NRG2: variants seen among roughly 807,000 people sequenced by gnomAD.
NRG2 encodes pro-neuregulin-2, membrane-bound isoform.
A neutral mutation model predicts 73.9 loss-of-function variants in NRG2; 27 were observed. The ratio of observed to expected loss-of-function variants is 0.37; its 90% confidence interval spans 0.27 to 0.50. The LOEUF (loss-of-function observed/expected upper bound fraction) is 0.50, where lower values mean the gene tolerates loss of function less well. Ranked by LOEUF, NRG2 falls within the 20% of genes least tolerant of loss-of-function variation. NRG2 has a pLI of 0.96. For synonymous variants in NRG2, 532 were observed against 541.0 expected, an observed-to-expected ratio of 0.98 and a Z score of 0.23; for missense variants, 1,126 against 1,210.1, an observed-to-expected ratio of 0.93 and a Z score of 1.03.
At chr5:140,013,828 T>C (rs1471314801) in intron 1 of NRG2, among the ~76,000 whole-genome samples, 2 of 152,176 alleles carry the variant, frequency 1.3e-5, no homozygotes, top group African/African-American at 4.8e-5. Context: ...AGTCAACCTC[T>C]CCCTTCTAAT....
Position 140,011,134 on chromosome 5 carries a change from C to T in NRG2, c.700+31236G>A, listed in dbSNP as rs74780882. Among the ~76,000 whole-genome samples, 577 of 152,324 alleles carry T rather than the reference C, an allele frequency of 3.8e-3. 4 individuals are homozygous for T. Among genetic ancestry groups the T allele is most frequent in the African/African-American group, 0.013 (556 of 41,568 alleles). ...GTAAAGACTAAACTTCTCAGCATAG[C>T]CTACAAGACTTTTAACAATCTGGCC... is the stretch of plus-strand genomic sequence containing the variant. On this transcript the variant is annotated intron_variant, in intron 1 of 9. Coordinates refer to ENST00000361474, the MANE Select transcript of NRG2 (RefSeq NM_004883.3).
chr5:139,857,041 G>C (rs1761853369), intron 5 of NRG2, among the ~76,000 whole-genome samples: 1 of 152,112 alleles, frequency 6.6e-6, no homozygotes, highest in African/African-American at 2.4e-5. Flanking sequence ...GACTACCCTG[G>C]TTACAGGCAC....
At chr5:139,882,749 C>T (rs1339812070) in intron 2 of NRG2, among the ~76,000 whole-genome samples, 1 of 152,068 alleles carries the variant, frequency 6.6e-6, no homozygotes, top group African/African-American at 2.4e-5. Context: ...GCCAGATTCT[C>T]CTTGTCACCC....
chr5:139,943,445 G>A (rs116644232), intron 1 of NRG2, among the ~76,000 whole-genome samples: 2,790 of 152,200 alleles, frequency 0.018, 80 homozygotes, highest in African/African-American at 0.063. Flanking sequence ...ACCATGCCCG[G>A]CCCCACTTTT....
At chr5:139,916,082 A>C (rs1313801021) in intron 1 of NRG2, among the ~76,000 whole-genome samples, 1 of 152,200 alleles carries the variant, frequency 6.6e-6, no homozygotes, top group African/African-American at 2.4e-5. Flanking sequence ...GCAGGGCAGA[A>C]TGGAGCAGAG....
intron 1 of NRG2, among the ~76,000 whole-genome samples, chr5:139,981,509 C>G (rs1423000714): frequency 6.6e-6 from 1 of 152,232 alleles, no homozygotes; most frequent in Non-Finnish European, 1.5e-5. Flanking sequence ...TTTCCCTTCT[C>G]TTAACACAGG....
intron 1 of NRG2, chr5:140,019,711 G>A (rs562739003): frequency 6.6e-6 from 1 of 152,272 alleles, no homozygotes; most frequent in African/African-American, 2.4e-5. Context: ...ATTGGAAAGG[G>A]AGGGCCCACC....
At chr5:139,945,972 C>T (rs1325054176) in intron 1 of NRG2, among the ~76,000 whole-genome samples, 1 of 151,948 alleles carries the variant, frequency 6.6e-6, no homozygotes, top group African/African-American at 2.4e-5. Context: ...AAGAAGCTCT[C>T]AATAAATATA....
intron 1 of NRG2, among the ~76,000 whole-genome samples, chr5:139,960,011 T>C (rs1489236861): frequency 1.3e-5 from 2 of 152,136 alleles, no homozygotes; most frequent in African/African-American, 2.4e-5. Context: ...AGAAACTTTG[T>C]CAAATAGGAA....
intron 1 of NRG2, among the ~76,000 whole-genome samples, chr5:139,970,002 A>G (rs1161001642): frequency 6.6e-6 from 1 of 152,210 alleles, no homozygotes; most frequent in African/African-American, 2.4e-5. Flanking sequence ...TACAAGTATT[A>G]TTTTTACTTC....
Position 139,921,651 on chromosome 5 carries a change from C to A in NRG2, c.701-34140G>T, listed in dbSNP as rs570977037. ...AAATATAAAATCCAAAACTATAACA[C>A]TACTAGAAGATGACATAGGAGAAAA... On this transcript the variant is annotated intron_variant, in intron 1 of 9. Coordinates refer to ENST00000361474, the MANE Select transcript of NRG2 (RefSeq NM_004883.3). Among the ~76,000 whole-genome samples the A allele has an allele frequency of 9.1e-4, 138 of 152,136 alleles. 1 individual carries two copies. Among genetic ancestry groups the A allele is most frequent in the African/African-American group, 2.9e-3 (122 of 41,510 alleles).
chr5:140,002,204 A>G (rs748456657), intron 1 of NRG2, among the ~76,000 whole-genome samples: 8 of 152,156 alleles, frequency 5.3e-5, no homozygotes, highest in Non-Finnish European at 8.8e-5. Context: ...AAAGTAAATA[A>G]ATAAATATTA....
chr5:139,876,732 G>A (rs1395677780), intron 3 of NRG2, among the ~76,000 whole-genome samples: 2 of 151,942 alleles, frequency 1.3e-5, no homozygotes, highest in East Asian at 3.9e-4. Flanking sequence ...TATCCATCGA[G>A]GCCCCTTTCC....
At chr5:139,862,651 T>G (rs900018843) in intron 5 of NRG2, among the ~76,000 whole-genome samples, 1 of 152,270 alleles carries the variant, frequency 6.6e-6, no homozygotes, top group African/African-American at 2.4e-5. Context: ...TGTACAGATG[T>G]GAGCATGAGC....
chr5:139,965,460 G>A lies in NRG2; in HGVS notation c.700+76910C>T, dbSNP rs192666491. Among the ~76,000 whole-genome samples the A allele has an allele frequency of 4.6e-5, 7 of 152,328 alleles. No individual in the cohort carries two copies. In the East Asian group the frequency reaches 5.8e-4, roughly 13 times the overall value. On this transcript the variant is annotated intron_variant, in intron 1 of 9. Coordinates refer to ENST00000361474, the MANE Select transcript of NRG2 (RefSeq NM_004883.3). ...AGACCAGGCCAAACAGCAGAGCGAC[G>A]CAGTCCTCCTGAACAGGGATGGCAG...
intron 1 of NRG2, among the ~76,000 whole-genome samples, chr5:139,938,864 G>GAA (rs1753057629): frequency 9.2e-6 from 1 of 108,278 alleles, no homozygotes; most frequent in Non-Finnish European, 1.8e-5. Context: ...GAGAGAGAGA[G>GAA]AGAGAGAGAG....
At chr5:140,006,707 A>G (rs1013581852) in intron 1 of NRG2, among the ~76,000 whole-genome samples, 3 of 152,210 alleles carry the variant, frequency 2.0e-5, no homozygotes, top group Non-Finnish European at 2.9e-5. Context: ...ATGCCAGGAA[A>G]AGATGCAAGA....
At chr5:140,032,780 A>G (rs567293050) in intron 1 of NRG2, among the ~76,000 whole-genome samples, 80 of 152,360 alleles carry the variant, frequency 5.3e-4, no homozygotes, top group Non-Finnish European at 7.8e-4. Flanking sequence ...AAGAATAAGA[A>G]AAAATAAACA....
chr5:140,040,893 A>G (rs1479919118), intron 1 of NRG2, among the ~76,000 whole-genome samples: 6 of 152,246 alleles, frequency 3.9e-5, no homozygotes. Flanking sequence ...GGATAATGTC[A>G]GAGCGATAAA....
Sources: gnomAD v4.1 joint callset for allele counts (sites outside exome capture counted in the v4.1 genomes callset) on GRCh38, gnomAD v4.1.1 for gene constraint, MANE v1.5 for transcripts, NCBI Gene and HGNC (gene_info 2026-07-23, HGNC 2026-07-21) for gene names.